THSD7A: variants seen among roughly 807,000 people sequenced by gnomAD.
The protein encoded by THSD7A is thrombospondin type-1 domain-containing protein 7A.
THSD7A carries 96 observed loss-of-function variants against 231.3 expected under a neutral mutation model. The ratio of observed to expected loss-of-function variants is 0.41; its 90% CI spans 0.35 to 0.49. The LOEUF (loss-of-function observed/expected upper bound fraction) is 0.49. Among genes scored for constraint, THSD7A ranks in the 20% least tolerant of loss-of-function variants. The probability of loss-of-function intolerance (pLI) is 0.05; values close to 1 mark genes in which losing one functional copy is unlikely to be tolerated. For missense variants in THSD7A, 2,290 were observed against 2,070.2 expected (o/e 1.11, Z -2.06); for synonymous variants, 940 against 743.3 (o/e 1.26, Z -4.30).
intron 23 of THSD7A, chr7:11,384,664 G>T (rs1397319317): frequency 6.6e-6 from 1 of 151,852 alleles, no homozygotes; most frequent in Admixed American, 6.6e-5. Context: ...ATTTGTCGTG[G>T]AGATTCTCTT....
At chr7:11,548,774 C>T (rs978907971) in intron 4 of THSD7A, among the ~76,000 whole-genome samples, 6 of 151,826 alleles carry the variant, frequency 4.0e-5, no homozygotes, top group African/African-American at 9.6e-5. Flanking sequence ...TCTCAATAGA[C>T]GCAGAAAAGT....
chr7:11,460,584 G>A, intron 11 of THSD7A, 78 bp downstream of exon 11: 2 of 1,135,208 alleles, frequency 1.8e-6, no homozygotes, highest in Non-Finnish European at 2.5e-6. Flanking sequence ...TAAGCATGGT[G>A]TCCAAGTGGC....
intron 1 of THSD7A, among the ~76,000 whole-genome samples, chr7:11,776,301 T>C (rs1583281268): frequency 6.6e-6 from 1 of 152,314 alleles, no homozygotes; most frequent in East Asian, 1.9e-4. Flanking sequence ...TAAGAAATTT[T>C]GCCCCAGAGA....
chr7:11,746,056 A>G (rs1030030421), intron 1 of THSD7A, among the ~76,000 whole-genome samples: 1 of 151,972 alleles, frequency 6.6e-6, no homozygotes, highest in Non-Finnish European at 1.5e-5. Flanking sequence ...TTTTTATGAT[A>G]TTGATTCTTC....
chr7:11,711,952 C>T (rs1011914351), intron 1 of THSD7A, among the ~76,000 whole-genome samples: 6 of 150,918 alleles, frequency 4.0e-5, no homozygotes, highest in African/African-American at 1.5e-4. Flanking sequence ...CAGAAATAGC[C>T]TATGGGTATC....
At chr7:11,429,232 G>T in intron 13 of THSD7A, 107 bp from the exon 14 acceptor site, 1 of 1,042,182 alleles carries the variant, frequency 9.6e-7, no homozygotes, top group South Asian at 2.1e-5. Context: ...CTTGACAGCA[G>T]CATGCAAATG....
At chr7:11,721,305 T>C (rs993255674) in intron 1 of THSD7A, among the ~76,000 whole-genome samples, 2 of 151,760 alleles carry the variant, frequency 1.3e-5, no homozygotes, top group African/African-American at 4.8e-5. Context: ...TGGAAGGTGA[T>C]TGGATCATGG....
chr7:11,466,731 G>T (rs39757), intron 9 of THSD7A, among the ~76,000 whole-genome samples: 23,519 of 151,922 alleles, frequency 0.15, 2,049 homozygotes, highest in African/African-American at 0.23. Flanking sequence ...CTGCTCTGCC[G>T]CTTAGAGAGC....
In THSD7A at chr7:11,446,263, C is replaced by T. The variant is rs781113984; in HGVS notation, c.2862G>A (p.Gln954=). ...CATTATATTTGTCACAAGGACAATA[C>T]TGAGTCTCAATCAGGGGATACAAAT... ...NSHLYPLIET[Q]YCPCDKYNAQ... The change falls in exon 13 of 28, where the codon CAG becomes CAA. Residue 954 remains glutamine (Q), a synonymous_variant. Transcript: ENST00000423059. This position sits in a 1 kb window ranked among gnomAD's most constrained non-coding sequence, Gnocchi z 4.0. 1.2e-6 allele frequency: 2 copies of T among 1,613,438 alleles called. No homozygotes were observed. The highest frequency in any genetic ancestry group is 2.2e-5 in the East Asian group (1 of 44,842).
Position 11,535,021 on chromosome 7 carries a change from A to G in THSD7A, c.1822+6398T>C, listed in dbSNP as rs186042663. On this transcript the variant is annotated intron_variant, in intron 6 of 27. Coordinates refer to ENST00000423059, the MANE Select transcript of THSD7A (RefSeq NM_015204.3). ...AAATTGGTTGCTCTGTGTTGTGTTA[A>G]GGTACCCACCACCTATGACAAAGTA... 4.6e-5 allele frequency among the ~76,000 whole-genome samples: 7 copies of G among 152,306 alleles called. No individual in the cohort carries two copies. The East Asian group carries it at 1.4e-3, about 29-fold the overall frequency.
chr7:11,575,810 G>T (rs961606648), intron 4 of THSD7A, among the ~76,000 whole-genome samples: 1 of 152,068 alleles, frequency 6.6e-6, no homozygotes, highest in Non-Finnish European at 1.5e-5. Flanking sequence ...TCTACTAGTG[G>T]CCTATGTATA....
At chr7:11,481,535 T>C (rs1786423655) in intron 7 of THSD7A, among the ~76,000 whole-genome samples, 1 of 152,164 alleles carries the variant, frequency 6.6e-6, no homozygotes, top group Non-Finnish European at 1.5e-5. Flanking sequence ...AGAACTCTAA[T>C]GACTGGAAGG....
At chr7:11,494,746 C>A (rs1787031404) in intron 6 of THSD7A, among the ~76,000 whole-genome samples, 1 of 151,976 alleles carries the variant, frequency 6.6e-6, no homozygotes, top group Non-Finnish European at 1.5e-5. Context: ...ACTCCAAAGT[C>A]TATGTTCTCT....
At position 11,428,125 on chromosome 7, in the gene THSD7A, T is replaced by C. The variant is rs1784376533; in HGVS notation, c.3243+822A>G. Reference sequence around the variant, plus strand: ...GTTTAGAGATTAAAATGAGTCTATGTATGTATGAAACAATTCTACATATTT... The same window carrying C: ...GTTTAGAGATTAAAATGAGTCTATGCATGTATGAAACAATTCTACATATTT... On this transcript the variant is annotated intron_variant, in intron 14 of 27. Transcript: ENST00000423059. Among the ~76,000 whole-genome samples the C allele has an allele frequency of 2.0e-5, 3 of 152,328 alleles. No homozygotes were observed. In the South Asian group the frequency reaches 6.2e-4, roughly 32 times the overall value.
intron 1 of THSD7A, among the ~76,000 whole-genome samples, chr7:11,823,807 T>C (rs1387158958): frequency 6.6e-6 from 1 of 152,044 alleles, no homozygotes; most frequent in Non-Finnish European, 1.5e-5. Context: ...TTCCCATTAA[T>C]ATAAGCTTTT....
At chr7:11,382,488 T>C (rs1782556662) in intron 24 of THSD7A, 33 bp downstream of exon 24, 1 of 1,543,988 alleles carries the variant, frequency 6.5e-7, no homozygotes, top group Non-Finnish European at 8.9e-7. Context: ...TACAGGAAGA[T>C]TTTCAAAGGA....
intron 4 of THSD7A, among the ~76,000 whole-genome samples, chr7:11,567,954 C>G (rs1030062001): frequency 6.6e-6 from 1 of 152,008 alleles, no homozygotes; most frequent in Admixed American, 6.6e-5. Context: ...TTAATGAGTC[C>G]TTACATTTTA....
rs1378001935 is a variant in THSD7A, at chr7:11,475,000, G to A, written c.2018-432C>T. On this transcript the variant is annotated intron_variant, in intron 7 of 27. Coordinates refer to ENST00000423059, the MANE Select transcript of THSD7A (RefSeq NM_015204.3). This position sits in a 1 kb window ranked among gnomAD's most constrained non-coding sequence, Gnocchi z 4.1. The stretch of plus-strand genomic sequence containing the variant: ...AGCAGAATTCTGGGAAGGGACAGAA[G>A]GAAAAGAGAATAGTATCTAAGTAGA... Among the ~76,000 whole-genome samples the A allele has an allele frequency of 1.3e-5, 2 of 152,042 alleles. No homozygotes were observed. Among genetic ancestry groups the A allele is most frequent in the African/African-American group, 2.4e-5 (1 of 41,402 alleles).
At chr7:11,755,810 T>C (rs1782654846) in intron 1 of THSD7A, among the ~76,000 whole-genome samples, 1 of 152,072 alleles carries the variant, frequency 6.6e-6, no homozygotes, top group East Asian at 1.9e-4. Flanking sequence ...AAAGAAATAC[T>C]GCTTAGAAAC....
Sources: gnomAD v4.1 joint callset for allele counts (sites outside exome capture counted in the v4.1 genomes callset) on GRCh38, gnomAD v4.1.1 for gene constraint, Gnocchi (gnomAD v3.1) non-coding constraint, MANE v1.5 for transcripts, NCBI Gene and HGNC (gene_info 2026-07-23, HGNC 2026-07-21) for gene names.